Variants in KDM3B observed in about 807,000 individuals in gnomAD.
The protein encoded by KDM3B is lysine demethylase 3B, also known as lysine-specific demethylase 3B.
In KDM3B, 10 loss-of-function variants were observed where a neutral mutation model predicts 170.0. That is an observed-to-expected ratio of 0.06 (90% CI 0.04 to 0.10). The LOEUF (loss-of-function observed/expected upper bound fraction) is 0.10, where lower values mean the gene tolerates loss of function less well. Ranked by LOEUF, KDM3B falls within the 10% of genes least tolerant of loss-of-function variation. The probability of loss-of-function intolerance (pLI) is 1.00; values close to 1 mark genes in which losing one functional copy is unlikely to be tolerated. For synonymous variants in KDM3B, 831 were observed against 834.8 expected (o/e 1.00, Z 0.08); for missense variants, 1,394 against 2,195.2 (o/e 0.64, Z 7.29).
At chr5:138,417,799 T>G in intron 13 of KDM3B, 189 bp downstream of exon 13, 1 of 551,404 alleles carries the variant, frequency 1.8e-6, no homozygotes, top group Non-Finnish European at 3.2e-6. Context: ...ATTGGTACAG[T>G]TTCTCTTCAT....
chr5:138,398,000 A>G (rs180915942), intron 9 of KDM3B, 178 bp from the exon 10 acceptor site: 5 of 560,142 alleles, frequency 8.9e-6, no homozygotes, highest in Non-Finnish European at 1.6e-5. Context: ...AGACCTACTA[A>G]ATGTTATGTT....
intron 11 of KDM3B, among the ~76,000 whole-genome samples, chr5:138,412,048 C>T (rs1311865647): frequency 1.3e-5 from 2 of 150,584 alleles, no homozygotes; most frequent in Non-Finnish European, 3.0e-5. Flanking sequence ...TCAGAAGACA[C>T]GTAAAAGCTG....
In KDM3B at chr5:138,352,734, C is replaced by T. The variant is rs1761357443; in HGVS notation, c.-62C>T. ...AGGGAGGCCTTGCGGGCGGATCGGG[C>T]GCTTGGCGGCGGAGGTGGTGGGAGG... is the stretch of plus-strand genomic sequence containing the variant. On this transcript the variant is annotated 5_prime_UTR_variant, in exon 1 of 24. Transcript: ENST00000314358. 1.1e-5 allele frequency: 12 copies of T among 1,111,482 alleles called. 1 individual carries two copies. In the South Asian group the frequency reaches 5.1e-4, roughly 47 times the overall value. The allele number at this position is 1,111,482 out of a possible 1,614,324, so 68.9% of individuals were successfully genotyped here.
intron 1 of KDM3B, among the ~76,000 whole-genome samples, chr5:138,355,737 G>A (rs1460910171): frequency 5.9e-5 from 9 of 152,072 alleles, no homozygotes; most frequent in Non-Finnish European, 1.2e-4. Flanking sequence ...AAGTTGCAGA[G>A]ACCTTGGGAC....
chr5:138,420,921 A>C lies in KDM3B; in HGVS notation c.3931A>C (p.Thr1311Pro). 6.2e-7 allele frequency: 1 copy of C among 1,614,078 alleles called. No homozygotes were observed. Among genetic ancestry groups the C allele is most frequent in the South Asian group, 1.1e-5 (1 of 91,076 alleles). The change falls in exon 15 of 24, where the codon ACA (threonine) becomes CCA (proline). Residue 1311 changes from threonine to proline, a missense_variant. Physicochemically the swap from Thr to Pro is conservative, Grantham distance 38 (BLOSUM62 -1). Around this residue, in one of 19 missense-constraint regions of KDM3B, gnomAD observed 137 missense variants for 166.9 expected, o/e 0.82. Coordinates refer to ENST00000314358, the MANE Select transcript of KDM3B (RefSeq NM_016604.4). The part of the protein sequence containing the change: ...PGKLPQTPLD[T>P]GIPFPPVFST... ...AAAACTTCCTCAAACCCCCTTGGAC[A>C]CAGGCATACCCTTTCCCCCGGTCTT...
Position 138,420,884 on chromosome 5 carries a change from C to T in KDM3B, c.3894C>T (p.His1298=), listed in dbSNP as rs1331766741. The stretch of plus-strand genomic sequence containing the variant: ...GGTCTAGCCTTCGAGACCTCCTTCA[C>T]TCCGGGCCGGGAAAACTTCCTCAAA... ...TEGSSLRDLL[H]SGPGKLPQTP... is the part of the protein sequence containing the mutation. The change falls in exon 15 of 24, where the codon CAC becomes CAT. Residue 1298 remains histidine, a synonymous_variant. Coordinates refer to ENST00000314358, the MANE Select transcript of KDM3B (RefSeq NM_016604.4). 2 of 1,614,146 alleles carry T rather than the reference C, an allele frequency of 1.2e-6. No individual in the cohort carries two copies. The highest frequency in any genetic ancestry group is 1.7e-6 in the Non-Finnish European group (2 of 1,180,012).
intron 17 of KDM3B, among the ~76,000 whole-genome samples, chr5:138,426,405 T>G (rs902179143): frequency 6.6e-6 from 1 of 150,928 alleles, no homozygotes; most frequent in African/African-American, 2.4e-5. Flanking sequence ...AAACCCTGTC[T>G]CTACTAAAAA....
chr5:138,393,250 A>G lies in KDM3B; in HGVS notation c.2709A>G (p.Ser903=), dbSNP rs1274404521. ...QSGEPFLQDG[S]CINVAPHLHK... ...GAGAGCCCTTCCTGCAGGATGGGTC[A>G]TGCATCAATGTGGCACCTCATCTGC... Residue 903 remains serine (S), a synonymous_variant, in exon 9 of 24, where the codon TCA becomes TCG. Transcript: ENST00000314358. 1.9e-6 allele frequency: 3 copies of G among 1,614,186 alleles called. No homozygotes were observed. The highest frequency in any genetic ancestry group is 2.2e-5 in the South Asian group (2 of 91,090).
At chr5:138,399,712 G>A (rs140445990) in intron 10 of KDM3B, 148 bp from the exon 11 acceptor site, 76 of 611,618 alleles carry the variant, frequency 1.2e-4, no homozygotes, top group Admixed American at 4.1e-4. Context: ...ATTGTATTTT[G>A]TTTCTCCTAC....
chr5:138,370,894 C>T (rs910781679), intron 1 of KDM3B, among the ~76,000 whole-genome samples: 11 of 151,970 alleles, frequency 7.2e-5, no homozygotes, highest in African/African-American at 2.4e-4. Flanking sequence ...CTGCAACCTC[C>T]GCCTCCTGGG....
In KDM3B at chr5:138,391,855, C is replaced by T; in HGVS notation, c.2223C>T (p.Leu741=). The T allele has an allele frequency of 1.9e-6, 3 of 1,614,144 alleles. No homozygotes were observed. The highest frequency in any genetic ancestry group is 2.5e-6 in the Non-Finnish European group (3 of 1,180,018). ...SLTQPIEMPT[L]SSSPTEERPT... Reference sequence around the variant, plus strand: ...CTCAGCCCATTGAGATGCCAACTCTCTCCTCTAGCCCCACAGAGGAGAGGC... The same window carrying T: ...CTCAGCCCATTGAGATGCCAACTCTTTCCTCTAGCCCCACAGAGGAGAGGC... Residue 741 remains leucine (L), a synonymous_variant, in exon 8 of 24, where the codon CTC becomes CTT. Transcript: ENST00000314358. The surrounding 1 kb of genome is among the most constrained non-coding windows in gnomAD (Gnocchi z 5.0).
chr5:138,420,601 A>G (rs776071130), intron 14 of KDM3B, 105 bp from the exon 15 acceptor site: 39 of 1,273,488 alleles, frequency 3.1e-5, no homozygotes, highest in Non-Finnish European at 4.1e-5. Context: ...TGCAAGGGAA[A>G]GGAGAGAATC....
chr5:138,376,500 C>T (rs1333820768), intron 3 of KDM3B, among the ~76,000 whole-genome samples: 3 of 151,812 alleles, frequency 2.0e-5, no homozygotes, highest in Non-Finnish European at 2.9e-5. Flanking sequence ...GTCAGGGGAT[C>T]GAGACCATCC....
chr5:138,433,829 C>T (rs1763601508), intron 23 of KDM3B, among the ~76,000 whole-genome samples: 1 of 151,826 alleles, frequency 6.6e-6, no homozygotes, highest in East Asian at 1.9e-4. Context: ...GCCTCTGCCT[C>T]CTGGGTTCAA....
At position 138,435,164 on chromosome 5, in the gene KDM3B, T is replaced by C. The variant is rs921089157; in HGVS notation, c.5206-456T>C. ...GGGAAAAAATAGGCCATAATCCTGC[T>C]TTCCCCTCTTGTTTTAATGCATCCT... On this transcript the variant is annotated intron_variant, in intron 23 of 23. Coordinates refer to ENST00000314358, the MANE Select transcript of KDM3B (RefSeq NM_016604.4). 2.6e-5 allele frequency among the ~76,000 whole-genome samples: 4 copies of C among 152,226 alleles called. No homozygotes were observed. The East Asian group carries it at 7.7e-4, about 29-fold the overall frequency.
Position 138,419,037 on chromosome 5 carries a change from G to C in KDM3B, c.3520G>C (p.Glu1174Gln). The C allele has an allele frequency of 6.2e-7, 1 of 1,614,204 alleles. No homozygotes were observed. The highest frequency in any genetic ancestry group is 1.6e-4 in the Middle Eastern group (1 of 6,062). The change falls in exon 14 of 24, where the codon GAG becomes CAG. Residue 1174 changes from glutamate to glutamine, a missense_variant. Physicochemically the swap from Glu to Gln is conservative, Grantham distance 29 (BLOSUM62 2). Around this residue, in one of 19 missense-constraint regions of KDM3B, gnomAD observed 87 missense variants for 83.3 expected, o/e 1.04. Coordinates refer to ENST00000314358, the MANE Select transcript of KDM3B (RefSeq NM_016604.4). ...AGGACCGGCACCAGTAACAACTCCA[G>C]AGCCGGACCATGTTCCCAAAGCCGA... is the stretch of plus-strand genomic sequence containing the variant. ...GGGPAPVTTPEPDHVPKADST... is the reference protein window; with the variant it reads ...GGGPAPVTTPQPDHVPKADST...
chr5:138,418,075 G>GTTTTT (rs34275336), intron 13 of KDM3B: 35 of 96,752 alleles, frequency 3.6e-4, no homozygotes, highest in South Asian at 2.1e-3. Flanking sequence ...TTTGGTTTTG[G>GTTTTT]TTTTTTTTTT....
At chr5:138,427,902 T>A in intron 19 of KDM3B, 65 bp from the exon 20 acceptor site, 5 of 1,487,124 alleles carry the variant, frequency 3.4e-6, no homozygotes, top group Non-Finnish European at 9.3e-7. Flanking sequence ...TTTTCAGATG[T>A]AGTGTCGACG....
At chr5:138,429,743 A>G in intron 20 of KDM3B, 83 bp from the exon 21 acceptor site, 7 of 1,467,764 alleles carry the variant, frequency 4.8e-6, no homozygotes, top group Non-Finnish European at 4.7e-6. Context: ...GTAAAACTCA[A>G]TTTATTTAAA....
Sources: allele counts gnomAD v4.1 joint callset (sites outside exome capture counted in the v4.1 genomes callset), GRCh38; gene constraint gnomAD v4.1.1; regional missense constraint gnomAD v4.1.1; non-coding constraint Gnocchi (gnomAD v3.1); transcripts MANE v1.5; gene names NCBI Gene and HGNC (gene_info 2026-07-23, HGNC 2026-07-21).